The following ZSWIM3 variants were observed in gnomAD, a reference collection of about 807,000 sequenced individuals.
The protein encoded by ZSWIM3 is zinc finger SWIM domain-containing protein 3.
ZSWIM3 carries 27 observed loss-of-function variants against 47.5 expected under a neutral mutation model. That is an observed-to-expected ratio of 0.57 (90% CI 0.42 to 0.78). The LOEUF is 0.78. Among genes scored for constraint, ZSWIM3 ranks in the 30% least tolerant of loss-of-function variants. The pLI, the probability that ZSWIM3 is intolerant of heterozygous loss-of-function variation, is 0.00. For missense variants in ZSWIM3, 689 were observed against 861.3 expected (o/e 0.80, Z 2.50); for synonymous variants, 333 against 333.9 (o/e 1.00, Z 0.03).
intron 1 of ZSWIM3, among the ~76,000 whole-genome samples, chr20:45,869,831 T>C (rs1380303426): frequency 6.6e-6 from 1 of 151,254 alleles, no homozygotes; most frequent in Non-Finnish European, 1.5e-5. Flanking sequence ...GATCACGAGG[T>C]CAGGAGTTCA....
At chr20:45,868,455 T>A (rs1407147779) in intron 1 of ZSWIM3, among the ~76,000 whole-genome samples, 1 of 151,952 alleles carries the variant, frequency 6.6e-6, no homozygotes, top group Non-Finnish European at 1.5e-5. Flanking sequence ...TGCTCTCCTG[T>A]CCAGGCCGGA....
At position 45,859,036 on chromosome 20, in the gene ZSWIM3, G is replaced by T. The variant is rs575278677; in HGVS notation, c.155+1056G>T. ...TGTGAAATGGGCCAAATGGAGAGTAGATGCCATCTAATCAGCTCCAGCTGA... is the reference window on the plus strand; with the variant it reads ...TGTGAAATGGGCCAAATGGAGAGTATATGCCATCTAATCAGCTCCAGCTGA... On this transcript the variant is annotated intron_variant, in intron 1 of 1. Coordinates refer to ENST00000255152, the MANE Select transcript of ZSWIM3 (RefSeq NM_080752.4). Among the ~76,000 whole-genome samples the T allele has an allele frequency of 5.4e-3, 820 of 152,170 alleles. 4 individuals carry two copies. The highest frequency in any genetic ancestry group is 0.01 in the Middle Eastern group (3 of 294).
In ZSWIM3 at chr20:45,878,348, A is replaced by G. The variant is rs1986158493; in HGVS notation, c.1790A>G (p.Glu597Gly). Residue 597 changes from glutamate to glycine, a missense_variant, in exon 2 of 2, where the codon GAG (glutamate) becomes GGG (glycine). Physicochemically the swap from Glu to Gly is moderately conservative, Grantham distance 98. Transcript: ENST00000255152. ...CAGTACCTCCTTGGGCCCAATGGGG[A>G]GCTCCAGGATCGTGGTATGGTCCCA... ...KYQYLLGPNGELQDRGMVPNT... is the reference protein window; with the variant it reads ...KYQYLLGPNGGLQDRGMVPNT... The G allele has an allele frequency of 6.2e-7, 1 of 1,614,054 alleles. No individual in the cohort carries two copies.
chr20:45,870,631 T>C (rs868500544), intron 1 of ZSWIM3, among the ~76,000 whole-genome samples: 1 of 152,114 alleles, frequency 6.6e-6, no homozygotes, highest in South Asian at 2.1e-4. Context: ...AGAGAAGAAA[T>C]TGGAGGCTTA....
At chr20:45,867,268 A>C (rs1985869198) in intron 1 of ZSWIM3, among the ~76,000 whole-genome samples, 1 of 152,084 alleles carries the variant, frequency 6.6e-6, no homozygotes, top group South Asian at 2.1e-4. Context: ...CAGCCTCCCA[A>C]AGTTCTGGGA....
intron 1 of ZSWIM3, among the ~76,000 whole-genome samples, chr20:45,874,427 G>T (rs1298983343): frequency 6.6e-6 from 1 of 152,184 alleles, no homozygotes; most frequent in Non-Finnish European, 1.5e-5. Context: ...CAGGAGAATC[G>T]CTTGAACCCC....
intron 1 of ZSWIM3, among the ~76,000 whole-genome samples, chr20:45,870,045 A>AG (rs1176951588): frequency 4.4e-5 from 6 of 137,142 alleles, no homozygotes; most frequent in African/African-American, 1.7e-4. Flanking sequence ...CTCCGTCTCA[A>AG]GAAAAAAAAA....
rs1358720152 is a variant in ZSWIM3, at chr20:45,877,257, C to T, written c.699C>T (p.Ile233=). Residue 233 remains isoleucine, a synonymous_variant, in exon 2 of 2, where the codon ATC becomes ATT. Coordinates refer to ENST00000255152, the MANE Select transcript of ZSWIM3 (RefSeq NM_080752.4). ...GGGTGGAGAACACCCAGGGCCACAT[C>T]CTCTATGCTTTCTTGGTGGAGAACA... is the stretch of plus-strand genomic sequence containing the variant. ...LHRVENTQGH[I]LYAFLVENKE... 1 of 1,614,122 alleles carries T rather than the reference C, an allele frequency of 6.2e-7. No individual in the cohort carries two copies.
chr20:45,876,383 G>A (rs1196088142), intron 1 of ZSWIM3, among the ~76,000 whole-genome samples: 1 of 152,008 alleles, frequency 6.6e-6, no homozygotes, highest in Non-Finnish European at 1.5e-5. Flanking sequence ...CTGTTGCCCA[G>A]GCTGGAGTGC....
rs1201264983 is a variant in ZSWIM3, at chr20:45,877,764, G to A, written c.1206G>A (p.Val402=). The change falls in exon 2 of 2, where the codon GTG becomes GTA. Residue 402 remains valine, a synonymous_variant. Coordinates refer to ENST00000255152, the MANE Select transcript of ZSWIM3 (RefSeq NM_080752.4). ...MDSLDIVTSK[V]SSLFREQQSL... is the part of the protein sequence containing the mutation. ...GCCTAGACATTGTCACCAGCAAGGT[G>A]TCAAGCCTCTTTCGGGAACAGCAGT... The A allele has an allele frequency of 1.2e-6, 2 of 1,614,054 alleles. No homozygotes were observed. The highest frequency in any genetic ancestry group is 1.1e-5 in the South Asian group (1 of 91,088).
intron 1 of ZSWIM3, among the ~76,000 whole-genome samples, chr20:45,868,242 A>G (rs1188422621): frequency 6.6e-6 from 1 of 152,214 alleles, no homozygotes; most frequent in Admixed American, 6.5e-5. Flanking sequence ...TATACCAGTT[A>G]ACAAAGGAAG....
At chr20:45,861,163 T>C (rs62213290) in intron 1 of ZSWIM3, among the ~76,000 whole-genome samples, 1 of 151,970 alleles carries the variant, frequency 6.6e-6, no homozygotes, top group East Asian at 1.9e-4. Flanking sequence ...CACGTATAAT[T>C]CCAGCACTTT....
intron 1 of ZSWIM3, among the ~76,000 whole-genome samples, chr20:45,860,704 A>G (rs894393437): frequency 2.0e-5 from 3 of 151,726 alleles, no homozygotes; most frequent in Non-Finnish European, 4.4e-5. Flanking sequence ...TCCCTCTTCC[A>G]CTTTTAAGGA....
At chr20:45,861,092 A>G (rs1490702409) in intron 1 of ZSWIM3, among the ~76,000 whole-genome samples, 2 of 151,926 alleles carry the variant, frequency 1.3e-5, no homozygotes, top group African/African-American at 4.8e-5. Context: ...TGGGCAACAA[A>G]ATGAGATCCC....
At chr20:45,861,881 C>G (rs1985717014) in intron 1 of ZSWIM3, among the ~76,000 whole-genome samples, 1 of 151,722 alleles carries the variant, frequency 6.6e-6, no homozygotes, top group African/African-American at 2.4e-5. Context: ...CCATGCTGGA[C>G]CTGTTTTTGT....
At chr20:45,862,339 G>A (rs1040979580) in intron 1 of ZSWIM3, among the ~76,000 whole-genome samples, 1 of 151,440 alleles carries the variant, frequency 6.6e-6, no homozygotes, top group Non-Finnish European at 1.5e-5. Flanking sequence ...GTAGAGACAG[G>A]GTTTCACCAT....
At chr20:45,859,488 G>A (rs1261353832) in intron 1 of ZSWIM3, among the ~76,000 whole-genome samples, 2 of 152,060 alleles carry the variant, frequency 1.3e-5, no homozygotes, top group Non-Finnish European at 2.9e-5. Flanking sequence ...GGAGGTGGGG[G>A]AAGTCTTCAC....
chr20:45,866,337 G>A (rs1451258842), intron 1 of ZSWIM3, among the ~76,000 whole-genome samples: 1 of 152,100 alleles, frequency 6.6e-6, no homozygotes, highest in East Asian at 1.9e-4. Flanking sequence ...ATATTATATG[G>A]GTGGCTATGG....
In ZSWIM3 at chr20:45,878,878, AG is replaced by A; in HGVS notation, c.*231del. The A allele has an allele frequency of 1.9e-6, 1 of 535,366 alleles. No homozygotes were observed. The highest frequency in any genetic ancestry group is 3.2e-6 in the Non-Finnish European group (1 of 311,856). 33.2% of individuals were successfully genotyped at this position (535,366 alleles called of 1,614,324 possible). On this transcript the variant is annotated 3_prime_UTR_variant, in exon 2 of 2. Coordinates refer to ENST00000255152, the MANE Select transcript of ZSWIM3 (RefSeq NM_080752.4). ...CCTTGGGAGCCTCAGTTGTTGTTCA[AG>A]GCCAAAGTTATCTCCGTGCTGCAAG...
Sources: gnomAD v4.1 joint callset for allele counts (sites outside exome capture counted in the v4.1 genomes callset) on GRCh38, gnomAD v4.1.1 for gene constraint, MANE v1.5 for transcripts, NCBI Gene and HGNC (gene_info 2026-07-23, HGNC 2026-07-21) for gene names.